The following NOS3 variants were observed in gnomAD, a reference collection of about 807,000 sequenced individuals.
The protein encoded by NOS3 is NOS type III.
NOS3 carries 98 observed loss-of-function variants against 144.9 expected under a neutral mutation model. The ratio of observed to expected loss-of-function variants is 0.68; its 90% CI spans 0.57 to 0.80. The LOEUF is 0.80. Among genes scored for constraint, NOS3 ranks in the 30% least tolerant of loss-of-function variants. NOS3 has a pLI of 0.00. For missense variants in NOS3, 1,465 were observed against 1,656.4 expected (o/e 0.88, Z 2.01); for synonymous variants, 714 against 702.4 (o/e 1.02, Z -0.26).
At position 151,001,174 on chromosome 7, in the gene NOS3, G is replaced by A. The variant is rs548106656; in HGVS notation, c.1234-57G>A. ...TGGGGTGACCGGAGTGGTGGAGGAA[G>A]AATGGGCGAGGTCTGTGGGTCTGGT... On this transcript the variant is annotated intron_variant, in intron 10 of 26. Transcript: ENST00000297494. 8.1e-4 allele frequency: 1,277 copies of A among 1,577,630 alleles called. 1 individual carries two copies. The highest frequency in any genetic ancestry group is 9.9e-4 in the Non-Finnish European group (1,143 of 1,157,200).
At chr7:151,004,632 A>G (rs1008837626) in intron 14 of NOS3, among the ~76,000 whole-genome samples, 2 of 152,240 alleles carry the variant, frequency 1.3e-5, no homozygotes, top group African/African-American at 2.4e-5. Flanking sequence ...ACCACACACA[A>G]CAGTGCAGGT....
rs565978617 is a variant in NOS3 at position 151,001,128 on chromosome 7, T to A, written c.1234-103T>A. On this transcript the variant is annotated intron_variant, in intron 10 of 26. Transcript: ENST00000297494. ...GACACAGGGTGTGTTAGATATGGGG[T>A]AATCGAGGGCACATGTGGTTTGGGG... is the stretch of plus-strand genomic sequence containing the variant. The A allele has an allele frequency of 2.5e-5, 28 of 1,115,414 alleles. No individual in the cohort carries two copies. In the African/African-American group the frequency reaches 4.3e-4, roughly 17 times the overall value. 69.1% of individuals were successfully genotyped at this position (1,115,414 alleles called of 1,614,324 possible). A position where few individuals can be genotyped will look rare whatever the true frequency, so the allele number is the denominator to read the frequency against.
intron 16 of NOS3, 32 bp from the exon 17 acceptor site, chr7:151,007,070 A>C (rs1584909250): frequency 1.2e-6 from 2 of 1,614,040 alleles, no homozygotes; most frequent in Non-Finnish European, 1.7e-6. Context: ...TGGCCTGCAA[A>C]GGGAGCTCCA....
chr7:150,998,205 A>G lies in NOS3; in HGVS notation c.583-152A>G. On this transcript the variant is annotated intron_variant, in intron 5 of 26. Coordinates refer to ENST00000297494, the MANE Select transcript of NOS3 (RefSeq NM_000603.5). This position sits in a 1 kb window ranked among gnomAD's most constrained non-coding sequence, Gnocchi z 5.0. ...TGCTACATATGTCAGAGAGCAGGGC[A>G]GGAAGGGATCAGTGTGGCTGCCAAT... 3.1e-6 allele frequency: 2 copies of G among 652,422 alleles called. No homozygotes were observed. Among genetic ancestry groups the G allele is most frequent in the Non-Finnish European group, 5.3e-6 (2 of 376,220 alleles). The allele number at this position is 652,422 out of a possible 1,614,324, so 40.4% of individuals were successfully genotyped here. A position where few individuals can be genotyped will look rare whatever the true frequency, so the allele number is the denominator to read the frequency against.
Position 151,013,371 on chromosome 7 carries a change from A to G in NOS3, c.3247A>G (p.Asn1083Asp), listed in dbSNP as rs1410531393. ...CACCGCCTTCTCCCGGGAACCTGACAACCCCAAGGTGTGAGACCCTGAGGG... is the reference window on the plus strand; with the variant it reads ...CACCGCCTTCTCCCGGGAACCTGACGACCCCAAGGTGTGAGACCCTGAGGG... ...VLTAFSREPD[N>D]PKTYVQDILR... Residue 1083 changes from asparagine to aspartate, a missense_variant, in exon 25 of 27, where the codon AAC (asparagine) becomes GAC (aspartate). Around this residue, in one of 5 missense-constraint regions of NOS3, gnomAD observed 228 missense variants for 227.7 expected, o/e 1.00. Transcript: ENST00000297494. The G allele has an allele frequency of 1.2e-6, 2 of 1,612,906 alleles. No individual in the cohort carries two copies. Among genetic ancestry groups the G allele is most frequent in the Middle Eastern group, 1.6e-4 (1 of 6,078 alleles).
intron 19 of NOS3, 29 bp from the exon 20 acceptor site, chr7:151,009,369 C>T (rs1158962170): frequency 7.5e-6 from 8 of 1,060,954 alleles, no homozygotes; most frequent in African/African-American, 1.5e-5. Context: ...TCTCTGACTC[C>T]CCATAAGTGC....
rs199688227 is a variant in NOS3, at chr7:150,993,922, G to A, written c.119G>A (p.Arg40Gln). Residue 40 changes from arginine to glutamine, a missense_variant, in exon 2 of 27, where the codon CGG (arginine) becomes CAG (glutamine). This residue lies in a region of NOS3 where 374 missense variants were observed against 377.0 expected (regional missense o/e 0.99). Transcript: ENST00000297494. The surrounding 1 kb of genome is among the most constrained non-coding windows in gnomAD (Gnocchi z 4.0). Reference protein sequence around the residue: ...GPATPAPEPSRAPASLLPPAP... With the variant: ...GPATPAPEPSQAPASLLPPAP... ...GCCACCCCGGCCCCTGAGCCCAGCC[G>A]GGCCCCAGCATCCCTACTCCCACCA... is the stretch of plus-strand genomic sequence containing the variant. 168 of 1,580,788 alleles carry A rather than the reference G, an allele frequency of 1.1e-4. No homozygotes were observed. The African/African-American group carries it at 1.3e-3, about 12-fold the overall frequency.
intron 20 of NOS3, 37 bp downstream of exon 20, chr7:151,009,622 C>T: frequency 1.4e-6 from 2 of 1,460,010 alleles, no homozygotes; most frequent in South Asian, 2.7e-5. Context: ...GGCACACCAG[C>T]CCCATGCCCA....
chr7:151,003,654 C>CA lies in NOS3; in HGVS notation c.1752+1351dup, dbSNP rs752408855. ...TCAGTTCCTCACGTGAATCCCTTCC[C>CA]AGTCTGTCTCCCTGCCAGAAGTGTC... is the stretch of plus-strand genomic sequence containing the variant. On this transcript the variant is annotated intron_variant, in intron 14 of 26. Coordinates refer to ENST00000297494, the MANE Select transcript of NOS3 (RefSeq NM_000603.5). This position sits in a 1 kb window ranked among gnomAD's most constrained non-coding sequence, Gnocchi z 4.1. 49 of 757,192 alleles carry CA rather than the reference C, an allele frequency of 6.5e-5. No homozygotes were observed. Among genetic ancestry groups the CA allele is most frequent in the Non-Finnish European group, 9.4e-5 (46 of 488,422 alleles). The allele number at this position is 757,192 out of a possible 1,614,324, so 46.9% of individuals were successfully genotyped here. A position where few individuals can be genotyped will look rare whatever the true frequency, so the allele number is the denominator to read the frequency against.
rs7830 is a variant in NOS3 at position 151,012,483 on chromosome 7, G to T, written c.3106+11G>T. On this transcript the variant is annotated intron_variant, in intron 24 of 26. Coordinates refer to ENST00000297494, the MANE Select transcript of NOS3 (RefSeq NM_000603.5). ...ACATTGAGAGCAAAGGTGAGGCTGGGGACTAAAGGACTGCCTGAAGGGAGT... is the reference window on the plus strand; with the variant it reads ...ACATTGAGAGCAAAGGTGAGGCTGGTGACTAAAGGACTGCCTGAAGGGAGT... 558,650 of 1,607,052 alleles carry T rather than the reference G, an allele frequency of 0.35. 100,372 individuals carry two copies. The highest frequency in any genetic ancestry group is 0.55 in the Admixed American group (32,214 of 58,840).
In NOS3 at chr7:151,003,006, C is replaced by A. The variant is rs1025699281; in HGVS notation, c.1752+702C>A. 1 of 278,402 alleles carries A rather than the reference C, an allele frequency of 3.6e-6. No homozygotes were observed. The highest frequency in any genetic ancestry group is 7.1e-6 in the Non-Finnish European group (1 of 140,340). 17.2% of individuals were successfully genotyped at this position (278,402 alleles called of 1,614,324 possible). A position where few individuals can be genotyped will look rare whatever the true frequency, so the allele number is the denominator to read the frequency against. ...AAGCTAGAGTACCATCATTGAATTCCTTCTCTTGCAAGCTTAGGTATCTCT... is the reference window on the plus strand; with the variant it reads ...AAGCTAGAGTACCATCATTGAATTCATTCTCTTGCAAGCTTAGGTATCTCT... On this transcript the variant is annotated intron_variant, in intron 14 of 26. Transcript: ENST00000297494. The surrounding 1 kb of genome is among the most constrained non-coding windows in gnomAD (Gnocchi z 4.1).
In NOS3 at chr7:151,003,436, T is replaced by C. The variant is rs753630509; in HGVS notation, c.1752+1132T>C. 35 of 1,217,532 alleles carry C rather than the reference T, an allele frequency of 2.9e-5. No individual in the cohort carries two copies. Among genetic ancestry groups the C allele is most frequent in the Non-Finnish European group, 3.6e-5 (34 of 951,916 alleles). The allele number at this position is 1,217,532 out of a possible 1,614,324, so 75.4% of individuals were successfully genotyped here. ...CCACTGCACCTGGCCCTCAGTATCT[T>C]AAGCAAGTTGGAATCTCGTGAAACC... On this transcript the variant is annotated intron_variant, in intron 14 of 26. Transcript: ENST00000297494. The surrounding 1 kb of genome is among the most constrained non-coding windows in gnomAD (Gnocchi z 4.1).
In NOS3 at chr7:151,001,383, G is replaced by A; in HGVS notation, c.1386G>A (p.Gln462=). The change falls in exon 11 of 27, where the codon CAG becomes CAA. Residue 462 remains glutamine, a synonymous_variant. Coordinates refer to ENST00000297494, the MANE Select transcript of NOS3 (RefSeq NM_000603.5). The part of the protein sequence containing the change: ...ISGSLTPVFH[Q]EMVNYFLSPA... ...GCAGCCTCACTCCTGTTTTCCATCA[G>A]GAGATGGTCAACTATTTCCTGTCCC... 1 of 1,608,648 alleles carries A rather than the reference G, an allele frequency of 6.2e-7. No individual in the cohort carries two copies. The highest frequency in any genetic ancestry group is 8.5e-7 in the Non-Finnish European group (1 of 1,176,826).
At chr7:151,008,832 ACC>A (rs1795245289) in intron 17 of NOS3, 96 bp from the exon 18 acceptor site, 3 of 1,365,612 alleles carry the variant, frequency 2.2e-6, no homozygotes, top group East Asian at 5.1e-5. Flanking sequence ...GGGGCTGCCA[ACC>A]CCCCAGGAGC....
At chr7:150,996,983 G>A (rs1235712106) in intron 5 of NOS3, 58 bp downstream of exon 5, 14 of 1,512,300 alleles carry the variant, frequency 9.3e-6, no homozygotes, top group African/African-American at 4.1e-5. Flanking sequence ...GCGGGGTGGC[G>A]GGGCAGTTCC....
chr7:151,012,675 A>G, intron 24 of NOS3: 1 of 563,030 alleles, frequency 1.8e-6, no homozygotes, highest in Non-Finnish European at 3.1e-6. Flanking sequence ...TGCCTGGTAC[A>G]TAGTAGGTGT....
intron 10 of NOS3, among the ~76,000 whole-genome samples, chr7:151,000,872 G>A (rs76070680): frequency 6.6e-6 from 1 of 152,254 alleles, no homozygotes; most frequent in East Asian, 1.9e-4. Flanking sequence ...GGCATATTGG[G>A]TATTGCAGTT....
At chr7:151,012,812 A>G (rs1246325678) in intron 24 of NOS3, 1 of 338,282 alleles carries the variant, frequency 3.0e-6, no homozygotes, top group Admixed American at 4.4e-5. Context: ...AGACCTAAGG[A>G]TGCTACAAGG....
rs753182267 is a variant in NOS3 at position 151,009,278 on chromosome 7, C to T, written c.2324+11C>T. The T allele has an allele frequency of 5.6e-6, 9 of 1,608,044 alleles. No homozygotes were observed. Among genetic ancestry groups the T allele is most frequent in the South Asian group, 4.4e-5 (4 of 90,548 alleles). On this transcript the variant is annotated intron_variant, in intron 19 of 26. Coordinates refer to ENST00000297494, the MANE Select transcript of NOS3 (RefSeq NM_000603.5). ...AAGCAGCAAGTCCACGTGAGGACGA[C>T]GGCTTTACCGCCCCCCCACCCCTGT...
Sources: allele counts gnomAD v4.1 joint callset (sites outside exome capture counted in the v4.1 genomes callset), GRCh38; gene constraint gnomAD v4.1.1; regional missense constraint gnomAD v4.1.1; non-coding constraint Gnocchi (gnomAD v3.1); transcripts MANE v1.5; gene names NCBI Gene and HGNC (gene_info 2026-07-23, HGNC 2026-07-21).